Variants in KLHL1 observed in about 807,000 individuals in gnomAD.
KLHL1 encodes kelch like family member 1, also known as kelch-like protein 1.
In KLHL1, 47 loss-of-function variants were observed where a neutral mutation model predicts 77.7. The ratio of observed to expected loss-of-function variants is 0.60; its 90% CI spans 0.48 to 0.77. The LOEUF is 0.77. KLHL1 is among the 30% of genes least tolerant of loss of function. The pLI is 0.00. For missense variants in KLHL1, 925 were observed against 910.8 expected (o/e 1.02, Z -0.20); for synonymous variants, 360 against 325.2 (o/e 1.11, Z -1.15).
At chr13:69,934,033 A>G (rs916411364) in intron 4 of KLHL1, among the ~76,000 whole-genome samples, 9 of 152,114 alleles carry the variant, frequency 5.9e-5, no homozygotes, top group Non-Finnish European at 1.5e-5. Context: ...ATGTCTATCT[A>G]TTGATCCTGA....
At chr13:69,717,997 C>A (rs1293681263) in intron 9 of KLHL1, among the ~76,000 whole-genome samples, 1 of 152,022 alleles carries the variant, frequency 6.6e-6, no homozygotes, top group Non-Finnish European at 1.5e-5. Context: ...TGTGTTTTAT[C>A]CAATTTGAAC....
At chr13:69,777,542 A>T (rs1875893922) in intron 7 of KLHL1, among the ~76,000 whole-genome samples, 1 of 152,132 alleles carries the variant, frequency 6.6e-6, no homozygotes, top group African/African-American at 2.4e-5. Flanking sequence ...CATTTAAATT[A>T]ATTTATTTTC....
intron 3 of KLHL1, among the ~76,000 whole-genome samples, chr13:69,953,399 G>A (rs528027986): frequency 2.0e-5 from 3 of 151,182 alleles, no homozygotes; most frequent in East Asian, 3.9e-4. Context: ...TATGAGCAGC[G>A]CTGCCTCTCA....
chr13:69,830,751 C>T (rs375000093), intron 6 of KLHL1, among the ~76,000 whole-genome samples: 2 of 150,050 alleles, frequency 1.3e-5, no homozygotes, highest in Non-Finnish European at 3.0e-5. Context: ...CAAGTACTCT[C>T]TCAGACCACA....
chr13:70,026,915 CTA>C lies in KLHL1; in HGVS notation c.498-51115_498-51114del, dbSNP rs1262923566. On this transcript the variant is annotated intron_variant, in intron 1 of 10. Transcript: ENST00000377844. ...AAGATTATGCAGTTGGGCTATTTTT[CTA>C]TGTTTTATCAATGTTATAAAATGTG... Among the ~76,000 whole-genome samples, 4 of 151,928 alleles carry C rather than the reference CTA, an allele frequency of 2.6e-5. No homozygotes were observed. The East Asian group carries it at 7.7e-4, about 29-fold the overall frequency.
At chr13:69,779,141 T>A (rs1875991734) in intron 7 of KLHL1, among the ~76,000 whole-genome samples, 1 of 152,104 alleles carries the variant, frequency 6.6e-6, no homozygotes, top group Non-Finnish European at 1.5e-5. Context: ...CCTGATGTGA[T>A]TCCTAGCATT....
intron 1 of KLHL1, among the ~76,000 whole-genome samples, chr13:70,068,738 G>T (rs933973112): frequency 2.0e-5 from 3 of 152,182 alleles, no homozygotes; most frequent in African/African-American, 7.2e-5. Context: ...TAATTTAATA[G>T]ATTATCTTGT....
chr13:70,083,220 AT>A (rs1276431302), intron 1 of KLHL1, among the ~76,000 whole-genome samples: 2 of 152,202 alleles, frequency 1.3e-5, no homozygotes, highest in Non-Finnish European at 2.9e-5. Context: ...ATTAATCAAA[AT>A]TACAAATTGT....
chr13:69,797,016 C>G (rs1877137696), intron 6 of KLHL1, 54 bp from the exon 7 acceptor site: 1 of 1,421,992 alleles, frequency 7.0e-7, no homozygotes, highest in East Asian at 2.3e-5. Context: ...CAACAAACAG[C>G]CTGCCAAAGC....
At chr13:69,925,105 T>C (rs1882770524) in intron 4 of KLHL1, among the ~76,000 whole-genome samples, 1 of 152,194 alleles carries the variant, frequency 6.6e-6, no homozygotes, top group Admixed American at 6.5e-5. Flanking sequence ...GCAGGTTCAA[T>C]CAAAACTCAG....
chr13:69,917,996 T>C (rs1031228379), intron 4 of KLHL1, among the ~76,000 whole-genome samples: 3 of 152,100 alleles, frequency 2.0e-5, no homozygotes, highest in Non-Finnish European at 4.4e-5. Context: ...AAAATTGATA[T>C]TGATATGTTG....
At chr13:69,780,707 T>TAC (rs1197088036) in intron 7 of KLHL1, among the ~76,000 whole-genome samples, 6 of 37,760 alleles carry the variant, frequency 1.6e-4, no homozygotes, top group African/African-American at 7.5e-4. Context: ...TATATGTATA[T>TAC]ATATATATGT....
At chr13:69,742,752 C>T (rs1874037484) in intron 7 of KLHL1, among the ~76,000 whole-genome samples, 1 of 152,150 alleles carries the variant, frequency 6.6e-6, no homozygotes, top group Admixed American at 6.5e-5. Flanking sequence ...TTTTACACAA[C>T]TCTATTCATA....
chr13:70,087,022 C>T (rs973483555), intron 1 of KLHL1, among the ~76,000 whole-genome samples: 1 of 152,086 alleles, frequency 6.6e-6, no homozygotes, highest in Non-Finnish European at 1.5e-5. Context: ...GAATCATGGA[C>T]TGATATGTGG....
intron 7 of KLHL1, among the ~76,000 whole-genome samples, chr13:69,767,879 G>A: frequency 6.6e-6 from 1 of 152,004 alleles, no homozygotes; most frequent in East Asian, 1.9e-4. Context: ...ATCTTCCACT[G>A]TCCAGAAAAT....
chr13:70,094,118 A>G (rs979212555), intron 1 of KLHL1, among the ~76,000 whole-genome samples: 4 of 152,120 alleles, frequency 2.6e-5, no homozygotes, highest in African/African-American at 7.2e-5. Flanking sequence ...TTATGTGAAA[A>G]GTACCCTCTT....
At chr13:69,796,214 A>C (rs1345890236) in intron 7 of KLHL1, among the ~76,000 whole-genome samples, 1 of 152,216 alleles carries the variant, frequency 6.6e-6, no homozygotes, top group African/African-American at 2.4e-5. Flanking sequence ...ATATGCTTCA[A>C]ATAAGCCCAT....
intron 1 of KLHL1, among the ~76,000 whole-genome samples, chr13:69,991,942 T>G (rs1306343858): frequency 6.6e-6 from 1 of 151,990 alleles, no homozygotes; most frequent in Non-Finnish European, 1.5e-5. Flanking sequence ...TTGTTAATAT[T>G]AAAGCTATAG....
intron 4 of KLHL1, chr13:69,894,164 A>G (rs1246540041): frequency 6.6e-6 from 1 of 152,390 alleles, no homozygotes; most frequent in Non-Finnish European, 1.5e-5. Context: ...CTTTTATTCT[A>G]TGTTCTCTTA....
Sources: gnomAD v4.1 joint callset for allele counts (sites outside exome capture counted in the v4.1 genomes callset) on GRCh38, gnomAD v4.1.1 for gene constraint, MANE v1.5 for transcripts, NCBI Gene and HGNC (gene_info 2026-07-23, HGNC 2026-07-21) for gene names.